Variants in C1orf146 observed in about 807,000 individuals in gnomAD.
C1orf146 encodes protein SPO16 homolog.
Under a neutral mutation model 23.0 loss-of-function variants are expected in C1orf146, and 22 were observed. The observed-to-expected ratio is 0.96, with a 90% CI of 0.68 to 1.36. The LOEUF (loss-of-function observed/expected upper bound fraction) is 1.36, where lower values mean the gene tolerates loss of function less well. Ranked by LOEUF, C1orf146 falls within the 40% of genes most tolerant of loss-of-function variation. The pLI is 0.00. For missense variants in C1orf146, 199 were observed against 206.8 expected (o/e 0.96, Z 0.23); for synonymous variants, 59 against 65.3 (o/e 0.90, Z 0.47).
At position 92,242,286 on chromosome 1, in the gene C1orf146, A is replaced by C; in HGVS notation, c.141A>C (p.Ser47=). Reference sequence around the variant, plus strand: ...ATTCAGATTCAGTGGAAAATGGATCAATTATATTTTCTCTTTCTGGTATGG... The same window carrying C: ...ATTCAGATTCAGTGGAAAATGGATCCATTATATTTTCTCTTTCTGGTATGG... ...VRYSDSVENG[S]IIFSLSGVAF... Residue 47 remains serine, a synonymous_variant, in exon 3 of 6, where the codon TCA becomes TCC. Coordinates refer to ENST00000370375, the MANE Select transcript of C1orf146 (RefSeq NM_001012425.2). 1 of 1,593,526 alleles carries C rather than the reference A, an allele frequency of 6.3e-7. No homozygotes were observed. Among genetic ancestry groups the C allele is most frequent in the Non-Finnish European group, 8.6e-7 (1 of 1,166,458 alleles).
intron 1 of C1orf146, among the ~76,000 whole-genome samples, chr1:92,222,882 G>A (rs564584588): frequency 2.0e-5 from 3 of 151,998 alleles, no homozygotes; most frequent in East Asian, 3.9e-4. Context: ...CACGGCGCCT[G>A]GCCTATCGTT....
In C1orf146 at chr1:92,225,980, TACTC is replaced by T. The variant is rs1405177884; in HGVS notation, c.-39-5400_-39-5397del. On this transcript the variant is annotated intron_variant, in intron 1 of 5. Coordinates refer to ENST00000370375, the MANE Select transcript of C1orf146 (RefSeq NM_001012425.2). ...TTATCCATTCACATTTTAATGTAAT[TACTC>T]AGTATTGCTGACTGCTATTTAAAAA... Among the ~76,000 whole-genome samples the T allele has an allele frequency of 2.0e-5, 3 of 152,232 alleles. No individual in the cohort carries two copies. In the East Asian group the frequency reaches 5.8e-4, roughly 29 times the overall value.
chr1:92,218,886 A>G (rs1406261748), intron 1 of C1orf146, among the ~76,000 whole-genome samples: 1 of 152,208 alleles, frequency 6.6e-6, no homozygotes, highest in African/African-American at 2.4e-5. Context: ...AGAAATGCTG[A>G]GAAGGCACTG....
intron 3 of C1orf146, among the ~76,000 whole-genome samples, 166 bp downstream of exon 3, chr1:92,242,471 T>C (rs76920415): frequency 0.019 from 2,909 of 152,280 alleles, 110 homozygotes; most frequent in African/African-American, 0.066. Flanking sequence ...TTCCAAAATA[T>C]ATTCCTTTTT....
At position 92,234,902 on chromosome 1, in the gene C1orf146, G is replaced by A. The variant is rs962643217; in HGVS notation, c.66+3416G>A. 4.6e-5 allele frequency among the ~76,000 whole-genome samples: 7 copies of A among 152,176 alleles called. No individual in the cohort carries two copies. The South Asian group carries it at 1.0e-3, about 23-fold the overall frequency. Reference sequence around the variant, plus strand: ...AGATTTTCTAGTTTATTTGCATAGAGGTGTTTGTAGTATTCTCTGATGGTA... The same window carrying A: ...AGATTTTCTAGTTTATTTGCATAGAAGTGTTTGTAGTATTCTCTGATGGTA... On this transcript the variant is annotated intron_variant, in intron 2 of 5. Transcript: ENST00000370375.
chr1:92,220,696 T>C (rs1651798076), intron 1 of C1orf146, among the ~76,000 whole-genome samples: 1 of 152,234 alleles, frequency 6.6e-6, no homozygotes, highest in Admixed American at 6.5e-5. Context: ...TCTGTGTGTA[T>C]TCTTCTGTAT....
At chr1:92,235,289 C>A (rs1279183221) in intron 2 of C1orf146, among the ~76,000 whole-genome samples, 1 of 152,098 alleles carries the variant, frequency 6.6e-6, no homozygotes, top group Non-Finnish European at 1.5e-5. Flanking sequence ...GAATGTGTCC[C>A]AGAGATTCTG....
chr1:92,243,755 C>T (rs1305542231), intron 3 of C1orf146, among the ~76,000 whole-genome samples: 1 of 152,100 alleles, frequency 6.6e-6, no homozygotes, highest in Non-Finnish European at 1.5e-5. Context: ...GTGGCAGGCC[C>T]AGAGAAGGCG....
intron 2 of C1orf146, chr1:92,240,706 TAGAA>T (rs68023677): frequency 0.044 from 7,247 of 164,454 alleles, 581 homozygotes; most frequent in African/African-American, 0.16. Flanking sequence ...TAATTTTTAG[TAGAA>T]AGAAGGTCTC....
Position 92,244,232 on chromosome 1 carries a change from T to C in C1orf146, c.176T>C (p.Leu59Ser), listed in dbSNP as rs780384280. ...CCTTTCCTAGGAGTTGCATTTTTAT[T>C]AATGGATACTAAGGAATGTCTTCTG... is the stretch of plus-strand genomic sequence containing the variant. ...IFSLSGVAFL[L>S]MDTKECLLST... Residue 59 changes from leucine to serine, a missense_variant, in exon 4 of 6, where the codon TTA becomes TCA. Coordinates refer to ENST00000370375, the MANE Select transcript of C1orf146 (RefSeq NM_001012425.2). The C allele has an allele frequency of 6.3e-7, 1 of 1,588,898 alleles. No homozygotes were observed. The highest frequency in any genetic ancestry group is 8.6e-7 in the Non-Finnish European group (1 of 1,166,502).
At chr1:92,222,655 T>C (rs953079642) in intron 1 of C1orf146, among the ~76,000 whole-genome samples, 93 of 150,968 alleles carry the variant, frequency 6.2e-4, no homozygotes, top group African/African-American at 2.0e-3. Flanking sequence ...GGCGCCATCT[T>C]GGCTCACTGC....
intron 1 of C1orf146, chr1:92,229,540 G>A: frequency 2.5e-6 from 1 of 396,338 alleles, no homozygotes; most frequent in Non-Finnish European, 5.0e-6. Flanking sequence ...AACTTTTCTT[G>A]ATTTGTGCTG....
chr1:92,242,866 C>T (rs968579857), intron 3 of C1orf146, among the ~76,000 whole-genome samples: 1 of 152,040 alleles, frequency 6.6e-6, no homozygotes, highest in African/African-American at 2.4e-5. Flanking sequence ...TGAGAAATGA[C>T]AGAAGTGATT....
chr1:92,235,991 A>G lies in C1orf146; in HGVS notation c.66+4505A>G, dbSNP rs1652266955. Among the ~76,000 whole-genome samples, 4 of 151,716 alleles carry G rather than the reference A, an allele frequency of 2.6e-5. No individual in the cohort carries two copies. In the South Asian group the frequency reaches 8.4e-4, roughly 32 times the overall value. On this transcript the variant is annotated intron_variant, in intron 2 of 5. Transcript: ENST00000370375. ...GATCTTCCTCCATCCTTTTATTTTG[A>G]GCCTATGTGTGTCTCTGCATGTGAG...
intron 3 of C1orf146, among the ~76,000 whole-genome samples, chr1:92,243,943 T>C (rs1014889988): frequency 6.6e-6 from 1 of 151,706 alleles, no homozygotes; most frequent in Non-Finnish European, 1.5e-5. Flanking sequence ...ATGTGGACAA[T>C]GTCTTCATCT....
rs1490107724 is a variant in C1orf146, at chr1:92,242,204, TA to T, written c.67-2del. 4 of 1,525,250 alleles carry T rather than the reference TA, an allele frequency of 2.6e-6. No homozygotes were observed. The highest frequency in any genetic ancestry group is 1.2e-5 in the South Asian group (1 of 82,472). 94.5% of individuals were successfully genotyped at this position (1,525,250 alleles called of 1,614,324 possible). On this transcript the variant is annotated splice_region_variant and splice_polypyrimidine_tract_variant and intron_variant, in intron 2 of 5. Transcript: ENST00000370375. ...TTAAATTTGTATTTCTGATATTTTT[TA>T]AAAAAGAGTTATGAAGTTGCAACTG...
chr1:92,225,586 G>A (rs1651946618), intron 1 of C1orf146, among the ~76,000 whole-genome samples: 1 of 151,956 alleles, frequency 6.6e-6, no homozygotes, highest in Admixed American at 6.6e-5. Flanking sequence ...AGTATTCATG[G>A]CTTTCCCTCA....
Position 92,230,823 on chromosome 1 carries a change from A to G in C1orf146, c.-39-559A>G, listed in dbSNP as rs561849382. 1.1e-3 allele frequency among the ~76,000 whole-genome samples: 171 copies of G among 152,248 alleles called. 1 individual carries two copies. Among genetic ancestry groups the G allele is most frequent in the African/African-American group, 3.9e-3 (163 of 41,538 alleles). ...ACCTCACATATTCCCTATGTGAGATATATAGTATTTCCCTCCATAGTAGAA... is the reference window on the plus strand; with the variant it reads ...ACCTCACATATTCCCTATGTGAGATGTATAGTATTTCCCTCCATAGTAGAA... On this transcript the variant is annotated intron_variant, in intron 1 of 5. Transcript: ENST00000370375.
At chr1:92,227,645 T>C (rs1652000897) in intron 1 of C1orf146, among the ~76,000 whole-genome samples, 1 of 152,184 alleles carries the variant, frequency 6.6e-6, no homozygotes, top group East Asian at 1.9e-4. Context: ...AATTTTTCTT[T>C]ATTTCTCCCT....
Sources: allele counts gnomAD v4.1 joint callset (sites outside exome capture counted in the v4.1 genomes callset), GRCh38; gene constraint gnomAD v4.1.1; transcripts MANE v1.5; gene names NCBI Gene and HGNC (gene_info 2026-07-23, HGNC 2026-07-21).